The following TNKS2 variants were observed in gnomAD, a reference collection of about 807,000 sequenced individuals.
The protein encoded by TNKS2 is tankyrase 2.
Under a neutral mutation model 137.6 loss-of-function variants are expected in TNKS2, and 72 were observed. The ratio of observed to expected loss-of-function variants is 0.52; its 90% CI spans 0.43 to 0.64. The LOEUF is 0.64. Ranked by LOEUF, TNKS2 falls within the 30% of genes least tolerant of loss-of-function variation. The probability of loss-of-function intolerance (pLI) is 0.00; values close to 1 mark genes in which losing one functional copy is unlikely to be tolerated. For missense variants in TNKS2, 1,049 were observed against 1,410.2 expected (o/e 0.74, Z 4.10); for synonymous variants, 516 against 512.1 (o/e 1.01, Z -0.10).
rs757836984 is a variant in TNKS2 at position 91,817,365 on chromosome 10, G to A, written c.520+136G>A. On this transcript the variant is annotated intron_variant, in intron 3 of 26. Transcript: ENST00000371627. The stretch of plus-strand genomic sequence containing the variant: ...CAGTTCAGTAGCTATCCTTTTCTAC[G>A]TCTAGATAGCTGACATTTTATTCTC... 80 of 527,848 alleles carry A rather than the reference G, an allele frequency of 1.5e-4. 1 individual carries two copies. The highest frequency in any genetic ancestry group is 1.0e-3 in the South Asian group (33 of 33,138). 32.7% of individuals were successfully genotyped at this position (527,848 alleles called of 1,614,324 possible). A position where few individuals can be genotyped will look rare whatever the true frequency, so the allele number is the denominator to read the frequency against.
intron 11 of TNKS2, among the ~76,000 whole-genome samples, chr10:91,833,314 T>A (rs1026122661): frequency 1.3e-5 from 2 of 152,218 alleles, no homozygotes; most frequent in Non-Finnish European, 2.9e-5. Flanking sequence ...TTTCCCACAT[T>A]GTATAATGTT....
intron 20 of TNKS2, among the ~76,000 whole-genome samples, chr10:91,850,262 G>A (rs370981603): frequency 6.6e-6 from 1 of 151,256 alleles, no homozygotes; most frequent in African/African-American, 2.4e-5. Flanking sequence ...CCACCTACTC[G>A]GGAGGCTGAG....
At chr10:91,814,905 G>A (rs1589651708) in intron 2 of TNKS2, among the ~76,000 whole-genome samples, 1 of 152,204 alleles carries the variant, frequency 6.6e-6, no homozygotes, top group African/African-American at 2.4e-5. Context: ...AGAGTAATCT[G>A]GTAGGGGACT....
At position 91,855,720 on chromosome 10, in the gene TNKS2, G is replaced by A. The variant is rs201315253; in HGVS notation, c.2988+32G>A. The A allele has an allele frequency of 1.5e-4, 228 of 1,536,936 alleles. 1 individual carries two copies. In the Middle Eastern group the frequency reaches 1.5e-3, roughly 10 times the overall value. ...AATTAGTGAAAGTAAAGTTTTCTGA[G>A]ACTGTCGTTTTCAAAGCCTGAAGCC... On this transcript the variant is annotated intron_variant, in intron 23 of 26. Transcript: ENST00000371627.
intron 12 of TNKS2, 63 bp downstream of exon 12, chr10:91,834,087 A>G (rs1206789968): frequency 9.0e-6 from 12 of 1,330,902 alleles, no homozygotes; most frequent in African/African-American, 1.5e-5. Flanking sequence ...TTCACATATC[A>G]GGTATTATAG....
rs1211530831 is a variant in TNKS2 at position 91,864,080 on chromosome 10, A to AATC, written c.*1082_*1084dup. The AATC allele has an allele frequency of 6.6e-6, 1 of 152,198 alleles. No homozygotes were observed. Among genetic ancestry groups the AATC allele is most frequent in the East Asian group, 1.9e-4 (1 of 5,198 alleles). 9.4% of individuals were successfully genotyped at this position (152,198 alleles called of 1,614,324 possible). On this transcript the variant is annotated 3_prime_UTR_variant, in exon 27 of 27. Coordinates refer to ENST00000371627, the MANE Select transcript of TNKS2 (RefSeq NM_025235.4). Reference sequence around the variant, plus strand: ...TGGTTTTATTGCTGTATTTATAGCCAATCTATACATCATGGGTAAACTTAA... The same window carrying AATC: ...TGGTTTTATTGCTGTATTTATAGCCAATCATCTATACATCATGGGTAAACTTAA...
At chr10:91,825,103 G>GT (rs1431151870) in intron 7 of TNKS2, among the ~76,000 whole-genome samples, 21 of 151,002 alleles carry the variant, frequency 1.4e-4, no homozygotes, top group East Asian at 5.9e-4. Flanking sequence ...TTTTTGTTTT[G>GT]TTTTGTTTTG....
At chr10:91,840,317 G>A (rs76572593) in intron 13 of TNKS2, among the ~76,000 whole-genome samples, 9,158 of 152,174 alleles carry the variant, frequency 0.06, 389 homozygotes, top group South Asian at 0.099. Context: ...CCCAGCCTGG[G>A]TAAGAGAGCT....
At position 91,851,241 on chromosome 10, in the gene TNKS2, TG is replaced by T. The variant is rs377222592; in HGVS notation, c.2724del (p.His909ThrfsTer4). ...ATCACTTTGGATGTATTAGTTGAGA[TG>T]GGGCACAAGGAGCTGAAGGAGATTG... is the stretch of plus-strand genomic sequence containing the variant. ...EQITLDVLVEMGHKELKEIGI... is the reference protein window; with the variant it reads ...EQITLDVLVEXGHKELKEIGI... On this transcript the variant is annotated frameshift_variant, in exon 21 of 27. Transcript: ENST00000371627. LOFTEE classifies it high-confidence loss of function. The T allele has an allele frequency of 6.2e-7, 1 of 1,613,734 alleles. No homozygotes were observed. The highest frequency in any genetic ancestry group is 8.5e-7 in the Non-Finnish European group (1 of 1,179,894).
chr10:91,813,923 G>A (rs976864130), intron 2 of TNKS2, among the ~76,000 whole-genome samples: 2 of 152,014 alleles, frequency 1.3e-5, no homozygotes, highest in African/African-American at 2.4e-5. Flanking sequence ...TCATATAAAC[G>A]TATAGCATAT....
Position 91,855,132 on chromosome 10 carries a change from T to G in TNKS2, c.2913+6T>G, listed in dbSNP as rs1201960519. On this transcript the variant is annotated splice_donor_region_variant and intron_variant, in intron 22 of 26. Transcript: ENST00000371627. ...TTCAGTCTGTGGAGGAAGAGGTATG[T>G]TCATATAACTTCAATAGTAGGTTTG... 1 of 1,510,568 alleles carries G rather than the reference T, an allele frequency of 6.6e-7. No individual in the cohort carries two copies. The highest frequency in any genetic ancestry group is 1.1e-5 in the South Asian group (1 of 88,686). 93.6% of individuals were successfully genotyped at this position (1,510,568 alleles called of 1,614,324 possible).
At chr10:91,799,475 T>C (rs975664058) in intron 1 of TNKS2, among the ~76,000 whole-genome samples, 2 of 152,130 alleles carry the variant, frequency 1.3e-5, no homozygotes, top group African/African-American at 4.8e-5. Flanking sequence ...AAACCTGACT[T>C]AGGCTGGGTG....
At chr10:91,805,679 A>T (rs1844304689) in intron 1 of TNKS2, among the ~76,000 whole-genome samples, 1 of 152,202 alleles carries the variant, frequency 6.6e-6, no homozygotes. Context: ...CACCATTTTG[A>T]TTACTTCAGA....
intron 18 of TNKS2, 110 bp downstream of exon 18, chr10:91,846,050 T>G: frequency 1.2e-6 from 1 of 809,180 alleles, no homozygotes. Flanking sequence ...AAATCTGGGT[T>G]TTAGCCTGAT....
At chr10:91,860,350 C>A (rs1377550668) in intron 25 of TNKS2, among the ~76,000 whole-genome samples, 1 of 152,166 alleles carries the variant, frequency 6.6e-6, no homozygotes, top group East Asian at 1.9e-4. Flanking sequence ...AGTAGTTTAT[C>A]AAGCATTAGC....
intron 9 of TNKS2, among the ~76,000 whole-genome samples, chr10:91,829,722 C>T (rs1490446519): frequency 6.6e-6 from 1 of 152,140 alleles, no homozygotes; most frequent in Non-Finnish European, 1.5e-5. Flanking sequence ...GTGACAGCAA[C>T]ATCAAAGAAT....
intron 21 of TNKS2, 111 bp from the exon 22 acceptor site, chr10:91,854,903 AAAAAAAAAAAAGTTT>A: frequency 2.0e-6 from 1 of 495,118 alleles, no homozygotes; most frequent in East Asian, 3.8e-5. Context: ...TGTCTCAAAA[AAAAAAAAAAAAGTTT>A]AAAAAAAAAA....
chr10:91,817,748 A>G (rs1844757120), intron 3 of TNKS2, among the ~76,000 whole-genome samples: 1 of 152,174 alleles, frequency 6.6e-6, no homozygotes, highest in African/African-American at 2.4e-5. Flanking sequence ...GTACCATGCT[A>G]GTTGTACTCT....
intron 13 of TNKS2, among the ~76,000 whole-genome samples, chr10:91,839,757 A>C (rs963096199): frequency 2.0e-5 from 3 of 152,208 alleles, no homozygotes; most frequent in Admixed American, 1.3e-4. Context: ...TTAAAGTTTG[A>C]GAACCACTGC....
Sources: gnomAD v4.1 joint callset for allele counts (sites outside exome capture counted in the v4.1 genomes callset) on GRCh38, gnomAD v4.1.1 for gene constraint, MANE v1.5 for transcripts, NCBI Gene and HGNC (gene_info 2026-07-23, HGNC 2026-07-21) for gene names.